NRP1: variants seen among roughly 807,000 people sequenced by gnomAD.
NRP1 encodes neuropilin 1, also known as neuropilin-1.
NRP1 carries 35 observed loss-of-function variants against 106.7 expected under a neutral mutation model. The ratio of observed to expected loss-of-function variants is 0.33; its 90% CI spans 0.25 to 0.43. NRP1 has a LOEUF of 0.43. Among genes scored for constraint, NRP1 ranks in the 20% least tolerant of loss-of-function variants. The pLI, the probability that NRP1 is intolerant of heterozygous loss-of-function variation, is 1.00. For missense variants in NRP1, 1,024 were observed against 1,170.4 expected, an observed-to-expected ratio of 0.87 and a Z score of 1.83; for synonymous variants, 437 against 417.9, an observed-to-expected ratio of 1.05 and a Z score of -0.56.
chr10:33,308,481 A>T (rs1417337379), intron 2 of NRP1, among the ~76,000 whole-genome samples: 1 of 151,752 alleles, frequency 6.6e-6, no homozygotes, highest in Non-Finnish European at 1.5e-5. Flanking sequence ...TCTATAGAAA[A>T]TAATCTCATT....
chr10:33,321,564 T>C (rs1443375257), intron 2 of NRP1, among the ~76,000 whole-genome samples: 1 of 152,224 alleles, frequency 6.6e-6, no homozygotes, highest in African/African-American at 2.4e-5. Flanking sequence ...CCTTTTTTCT[T>C]TAAATGTAAG....
intron 2 of NRP1, among the ~76,000 whole-genome samples, chr10:33,330,075 C>G (rs1848167554): frequency 6.6e-6 from 1 of 152,172 alleles, no homozygotes; most frequent in Non-Finnish European, 1.5e-5. Context: ...TATTTGAGTT[C>G]CCATTGTATT....
chr10:33,222,535 A>T lies in NRP1; in HGVS notation c.1138-672T>A, dbSNP rs1831496. The stretch of plus-strand genomic sequence containing the variant: ...TATTTATTTATTTATTTATTTATTT[A>T]TTTAAGATGGAGTCTCGCTCTGTTA... On this transcript the variant is annotated intron_variant, in intron 7 of 16. Transcript: ENST00000374867. 4.0e-3 allele frequency among the ~76,000 whole-genome samples: 483 copies of T among 120,226 alleles called. 6 individuals carry two copies. Among genetic ancestry groups the T allele is most frequent in the Non-Finnish European group, 5.2e-3 (289 of 55,058 alleles). 78.9% of individuals were successfully genotyped at this position (120,226 alleles called of 152,430 possible).
intron 4 of NRP1, among the ~76,000 whole-genome samples, chr10:33,259,334 C>A (rs1260277263): frequency 2.0e-5 from 3 of 152,086 alleles, no homozygotes; most frequent in Non-Finnish European, 4.4e-5. Flanking sequence ...GAGTGAAAGG[C>A]TTTTTCGACT....
chr10:33,258,841 T>A (rs3780868), intron 4 of NRP1, among the ~76,000 whole-genome samples: 24,374 of 152,138 alleles, frequency 0.16, 2,240 homozygotes, highest in East Asian at 0.47. Context: ...GTCTTTGCTT[T>A]CCTAAAAAGG....
chr10:33,221,612 A>G lies in NRP1; in HGVS notation c.1282+107T>C. ...AGATGCTTTTAATTGTCAAATAAAA[A>G]TGATTGCATTTACAAACTTATTTAC... On this transcript the variant is annotated intron_variant, in intron 8 of 16. Coordinates refer to ENST00000374867, the MANE Select transcript of NRP1 (RefSeq NM_003873.7). 4 of 1,214,226 alleles carry G rather than the reference A, an allele frequency of 3.3e-6. No homozygotes were observed. In the South Asian group the frequency reaches 4.6e-5, roughly 14 times the overall value. The allele number at this position is 1,214,226 out of a possible 1,614,324, so 75.2% of individuals were successfully genotyped here.
rs543098309 is a variant in NRP1, at chr10:33,194,354, C to T, written c.1925-1936G>A. On this transcript the variant is annotated intron_variant, in intron 12 of 16. Coordinates refer to ENST00000374867, the MANE Select transcript of NRP1 (RefSeq NM_003873.7). ...ACATGCACATTCAGGATAAAGAAAG[C>T]CACCCCAGCACACACAGTTCTGCCT... The T allele has an allele frequency of 3.8e-5, 6 of 159,654 alleles. No individual in the cohort carries two copies. The South Asian group carries it at 1.1e-3, about 30-fold the overall frequency. The allele number at this position is 159,654 out of a possible 1,614,324, so 9.9% of individuals were successfully genotyped here.
rs1308978688 is a variant in NRP1, at chr10:33,226,094, AAAAGACCAAATTGGTTGCCAC to A, written c.1137+19_1137+39del. ...ACAAGTAAAAATTGATCATCCATTT[AAAAGACCAAATTGGTTGCCAC>A]GGTGGCAGCCTAACTTACAACAGGT... On this transcript the variant is annotated intron_variant, in intron 7 of 16. Transcript: ENST00000374867. The A allele has an allele frequency of 1.2e-6, 2 of 1,605,390 alleles. No individual in the cohort carries two copies. Among genetic ancestry groups the A allele is most frequent in the South Asian group, 2.2e-5 (2 of 90,616 alleles).
At chr10:33,263,940 C>G (rs1842752657) in intron 3 of NRP1, 67 bp from the exon 4 acceptor site, 1 of 1,001,052 alleles carries the variant, frequency 1.0e-6, no homozygotes. Flanking sequence ...AAGAAATAAC[C>G]TGGGTAAAGA....
At chr10:33,229,924 C>G (rs1418647443) in intron 6 of NRP1, among the ~76,000 whole-genome samples, 2 of 152,154 alleles carry the variant, frequency 1.3e-5, no homozygotes, top group African/African-American at 4.8e-5. Context: ...TTATTTACCA[C>G]ACAGGGATAC....
intron 2 of NRP1, among the ~76,000 whole-genome samples, chr10:33,285,167 G>A (rs763551705): frequency 1.3e-5 from 2 of 152,178 alleles, no homozygotes; most frequent in African/African-American, 4.8e-5. Context: ...GCTCAACCAA[G>A]GCTGACAAAT....
chr10:33,195,607 T>A (rs762824390), intron 12 of NRP1: 4 of 532,602 alleles, frequency 7.5e-6, no homozygotes, highest in Non-Finnish European at 1.5e-5. Flanking sequence ...AAGTATCAGG[T>A]GACTCAGGCC....
chr10:33,301,393 T>C (rs1845790717), intron 2 of NRP1, among the ~76,000 whole-genome samples: 1 of 152,222 alleles, frequency 6.6e-6, no homozygotes, highest in Non-Finnish European at 1.5e-5. Flanking sequence ...TAGAATGCCA[T>C]ATGTGAGCAA....
chr10:33,234,422 C>T (rs1326181181), intron 6 of NRP1, among the ~76,000 whole-genome samples: 3 of 152,028 alleles, frequency 2.0e-5, no homozygotes, highest in African/African-American at 7.2e-5. Context: ...TTTATAATTT[C>T]TCAGTAATAA....
intron 6 of NRP1, among the ~76,000 whole-genome samples, chr10:33,240,964 T>C: frequency 6.6e-6 from 1 of 152,232 alleles, no homozygotes; most frequent in South Asian, 2.1e-4. Flanking sequence ...GTTGGAAGCT[T>C]ATCATTCAGC....
intron 1 of NRP1, 34 bp downstream of exon 1, chr10:33,334,276 G>A: frequency 6.5e-7 from 1 of 1,531,862 alleles, no homozygotes. Context: ...GAGCCGGGGC[G>A]CCGCTGTCAC....
intron 6 of NRP1, among the ~76,000 whole-genome samples, chr10:33,247,360 G>A (rs1159506637): frequency 6.6e-6 from 1 of 152,156 alleles, no homozygotes; most frequent in Non-Finnish European, 1.5e-5. Context: ...ACGCCATTGT[G>A]TTATTTTTCA....
rs191097511 is a variant in NRP1 at position 33,312,949 on chromosome 10, C to T, written c.248+17759G>A. 2.8e-3 allele frequency among the ~76,000 whole-genome samples: 423 copies of T among 152,266 alleles called. 4 individuals are homozygous for T. The highest frequency in any genetic ancestry group is 0.027 in the Middle Eastern group (8 of 294). On this transcript the variant is annotated intron_variant, in intron 2 of 16. Transcript: ENST00000374867. ...GGTTATCAATTGCACTTAAAGCACA[C>T]CTCAAACTTGGTTTGCGGCTCCTGT...
Position 33,182,757 on chromosome 10 carries a change from T to G in NRP1, c.2432-9A>C. On this transcript the variant is annotated splice_polypyrimidine_tract_variant and intron_variant, in intron 15 of 16. Coordinates refer to ENST00000374867, the MANE Select transcript of NRP1 (RefSeq NM_003873.7). ...ATCCAGGTCTGCTGGTTCTGACAAG[T>G]CAAACAAAATTGAAAGAGATATTTG... is the stretch of plus-strand genomic sequence containing the variant. 1 of 1,609,366 alleles carries G rather than the reference T, an allele frequency of 6.2e-7. No individual in the cohort carries two copies. Among genetic ancestry groups the G allele is most frequent in the Non-Finnish European group, 8.5e-7 (1 of 1,176,984 alleles).
Sources: allele counts gnomAD v4.1 joint callset (sites outside exome capture counted in the v4.1 genomes callset), GRCh38; gene constraint gnomAD v4.1.1; transcripts MANE v1.5; gene names NCBI Gene and HGNC (gene_info 2026-07-23, HGNC 2026-07-21).